Variants in TTC21B observed in about 807,000 individuals in gnomAD.
The protein encoded by TTC21B is tetratricopeptide repeat protein 21B.
In TTC21B, 127 loss-of-function variants were observed where a neutral mutation model predicts 175.1. The observed-to-expected ratio is 0.73, with a 90% confidence interval of 0.63 to 0.84. TTC21B has a LOEUF of 0.84. Among genes scored for constraint, TTC21B ranks in the 40% least tolerant of loss-of-function variants. The pLI, the probability that TTC21B is intolerant of heterozygous loss-of-function variation, is 0.00. For missense variants in TTC21B, 1,561 were observed against 1,558.3 expected (o/e 1.00, Z -0.03); for synonymous variants, 524 against 524.5 (o/e 1.00, Z 0.01).
At position 165,915,379 on chromosome 2, in the gene TTC21B, C is replaced by G; in HGVS notation, c.1960G>C (p.Val654Leu). The G allele has an allele frequency of 1.2e-6, 2 of 1,614,108 alleles. No homozygotes were observed. Among genetic ancestry groups the G allele is most frequent in the Non-Finnish European group, 1.7e-6 (2 of 1,179,996 alleles). Residue 654 changes from valine (V) to leucine (L), a missense_variant, in exon 15 of 29, where the codon GTG becomes CTG. Val to Leu is a conservative substitution (Grantham distance 32, BLOSUM62 1). Transcript: ENST00000243344. ...TCTGCATTAGCAATGGTAACCCGCA[C>G]TTCTTCAGATGTTCCAGAAAATTCA... ...IHEFSGTSEE[V>L]RVTIANADLA...
rs1205577256 is a variant in TTC21B at position 165,915,193 on chromosome 2, T to C, written c.2138+8A>G. 3 of 1,603,968 alleles carry C rather than the reference T, an allele frequency of 1.9e-6. No individual in the cohort carries two copies. The highest frequency in any genetic ancestry group is 1.1e-5 in the South Asian group (1 of 90,766). On this transcript the variant is annotated splice_region_variant and intron_variant, in intron 15 of 28. Transcript: ENST00000243344. ...ATCAAAATATAATGGGTTAAGACAA[T>C]TACTTACCTAAAACAAGTGATATAT...
rs1403001387 is a variant in TTC21B, at chr2:165,876,302, C to G, written c.3806-70G>C. On this transcript the variant is annotated intron_variant, in intron 27 of 28. Transcript: ENST00000243344. ...TACTATTACTTTTCCTTGCCTCCTCCTCTCTTTGCTTACTCACTAGAGAAT... is the reference window on the plus strand; with the variant it reads ...TACTATTACTTTTCCTTGCCTCCTCGTCTCTTTGCTTACTCACTAGAGAAT... The G allele has an allele frequency of 3.1e-6, 3 of 956,724 alleles. No homozygotes were observed. The East Asian group carries it at 7.2e-5, about 23-fold the overall frequency. 59.3% of individuals were successfully genotyped at this position (956,724 alleles called of 1,614,324 possible). A position where few individuals can be genotyped will look rare whatever the true frequency, so the allele number is the denominator to read the frequency against.
intron 19 of TTC21B, among the ~76,000 whole-genome samples, chr2:165,905,204 C>T (rs370324728): frequency 1.3e-5 from 2 of 150,364 alleles, no homozygotes; most frequent in African/African-American, 2.5e-5. Context: ...TAGCTAACAC[C>T]GAAAAATAAT....
At chr2:165,918,799 T>G (rs1686280008) in intron 13 of TTC21B, among the ~76,000 whole-genome samples, 2 of 152,184 alleles carry the variant, frequency 1.3e-5, no homozygotes, top group African/African-American at 4.8e-5. Flanking sequence ...AGTACTGTGT[T>G]TTTATATCCT....
At chr2:165,875,011 TGGTA>T (rs1279820889) in intron 28 of TTC21B, among the ~76,000 whole-genome samples, 179 bp from the exon 29 acceptor site, 5 of 152,218 alleles carry the variant, frequency 3.3e-5, no homozygotes, top group Middle Eastern at 3.2e-3. Flanking sequence ...TTTATATTAA[TGGTA>T]GTTAGATGAG....
intron 3 of TTC21B, 96 bp from the exon 4 acceptor site, chr2:165,945,786 C>G (rs1429629177): frequency 1.6e-6 from 2 of 1,230,090 alleles, no homozygotes; most frequent in Non-Finnish European, 2.3e-6. Context: ...TTACTTCTCT[C>G]TATAGTGGTA....
At chr2:165,931,218 T>C (rs915930930) in intron 8 of TTC21B, among the ~76,000 whole-genome samples, 1 of 152,126 alleles carries the variant, frequency 6.6e-6, no homozygotes, top group African/African-American at 2.4e-5. Flanking sequence ...GCTAATTATT[T>C]TAACCTTCTT....
intron 5 of TTC21B, among the ~76,000 whole-genome samples, 165 bp from the exon 6 acceptor site, chr2:165,941,349 TAATACA>T (rs1229535123): frequency 6.6e-6 from 1 of 152,210 alleles, no homozygotes; most frequent in Non-Finnish European, 1.5e-5. Context: ...CATCACAGAA[TAATACA>T]AATACATTAT....
intron 26 of TTC21B, among the ~76,000 whole-genome samples, chr2:165,881,310 T>C (rs1447718447): frequency 6.6e-6 from 1 of 152,148 alleles, no homozygotes; most frequent in East Asian, 1.9e-4. Context: ...TTATCACACC[T>C]AAAATGTTAA....
chr2:165,899,846 TGTGCCAGGTATAATC>T lies in TTC21B; in HGVS notation c.2777_2791del (p.Arg926_Ala930del), dbSNP rs757389950. 135 of 1,614,000 alleles carry T rather than the reference TGTGCCAGGTATAATC, an allele frequency of 8.4e-5. 2 individuals are homozygous for T. In the African/African-American group the frequency reaches 1.5e-3, roughly 18 times the overall value. On this transcript the variant is annotated inframe_deletion, in exon 21 of 29. Transcript: ENST00000243344. ...CCGCAGGCAGGAATCAGGGTCATCT[TGTGCCAGGTATAATC>T]GTGCCAGTTCCAACATAATCTGTAG...
chr2:165,888,473 T>C lies in TTC21B; in HGVS notation c.3265A>G (p.Asn1089Asp), dbSNP rs1403922219. ...VFENLDGDLG[N>D]STEKQESVQL... ...ACAGATTCTTGCTTCTCAGTTGAATTACTGTATATAATTAAAAATAAATCA... is the reference window on the plus strand; with the variant it reads ...ACAGATTCTTGCTTCTCAGTTGAATCACTGTATATAATTAAAAATAAATCA... Residue 1089 changes from asparagine (N) to aspartate (D), a missense_variant and splice_region_variant, in exon 25 of 29, where the codon AAT becomes GAT. Asn to Asp is a conservative substitution (Grantham distance 23). Transcript: ENST00000243344. The C allele has an allele frequency of 1.2e-6, 2 of 1,607,328 alleles. No individual in the cohort carries two copies. The highest frequency in any genetic ancestry group is 2.7e-5 in the African/African-American group (2 of 74,778).
chr2:165,902,016 C>T, intron 19 of TTC21B, 106 bp from the exon 20 acceptor site: 1 of 981,608 alleles, frequency 1.0e-6, no homozygotes, highest in Middle Eastern at 2.8e-4. Flanking sequence ...ATTATGAACC[C>T]TTGATCTAAC....
intron 20 of TTC21B, among the ~76,000 whole-genome samples, chr2:165,901,424 G>A (rs769314796): frequency 2.0e-5 from 3 of 151,966 alleles, no homozygotes; most frequent in Admixed American, 2.0e-4. Context: ...AGGTTCAAGC[G>A]ATTCTCCTGC....
Position 165,911,377 on chromosome 2 carries a change from C to T in TTC21B, c.2411G>A (p.Trp804Ter). 1 of 1,613,796 alleles carries T rather than the reference C, an allele frequency of 6.2e-7. No individual in the cohort carries two copies. Among genetic ancestry groups the T allele is most frequent in the Non-Finnish European group, 8.5e-7 (1 of 1,179,870 alleles). The change falls in exon 18 of 29, where the codon TGG (tryptophan) becomes TAG (stop). Residue 804 changes from tryptophan to a stop codon, truncating the protein, a stop_gained. Coordinates refer to ENST00000243344, the MANE Select transcript of TTC21B (RefSeq NM_024753.5). LOFTEE classifies it high-confidence loss of function. ...DLAELLLKLKWYDKAEKVLQH... is the reference protein window; with the variant it reads ...DLAELLLKLK ...AAGAACTTTTTCTGCTTTGTCATAC[C>T]ATTTCAATTTTAATAAGAGCTCAGC...
chr2:165,902,518 CT>C (rs796953234), intron 19 of TTC21B, among the ~76,000 whole-genome samples: 4 of 149,694 alleles, frequency 2.7e-5, no homozygotes, highest in South Asian at 2.1e-4. Flanking sequence ...AACAGGTTTT[CT>C]TTTTTTTTTC....
chr2:165,942,465 T>G (rs1687404089), intron 5 of TTC21B, among the ~76,000 whole-genome samples: 1 of 152,202 alleles, frequency 6.6e-6, no homozygotes, highest in Non-Finnish European at 1.5e-5. Flanking sequence ...AAACTTTGTA[T>G]TGGCTGCCTG....
chr2:165,951,417 A>C (rs565996393), intron 1 of TTC21B, among the ~76,000 whole-genome samples: 2 of 152,156 alleles, frequency 1.3e-5, no homozygotes, highest in South Asian at 4.1e-4. Context: ...TGAAAAAAAT[A>C]AGTTCCTCTG....
intron 12 of TTC21B, among the ~76,000 whole-genome samples, chr2:165,920,625 G>A (rs562997672): frequency 1.5e-4 from 23 of 152,128 alleles, no homozygotes; most frequent in Non-Finnish European, 2.8e-4. Context: ...ACAGGAGAAA[G>A]TGCATAGAGA....
At chr2:165,891,574 AATTC>A (rs3032516) in intron 22 of TTC21B, among the ~76,000 whole-genome samples, 77,438 of 149,222 alleles carry the variant, frequency 0.52, 20,344 homozygotes, top group Middle Eastern at 0.67. Flanking sequence ...TTCTAAAAAA[AATTC>A]ATTCATTCAT....
Sources: gnomAD v4.1 joint callset for allele counts (sites outside exome capture counted in the v4.1 genomes callset) on GRCh38, gnomAD v4.1.1 for gene constraint, MANE v1.5 for transcripts, NCBI Gene and HGNC (gene_info 2026-07-23, HGNC 2026-07-21) for gene names.